The following LIPC variants were observed in gnomAD, a reference collection of about 807,000 sequenced individuals.
The protein encoded by LIPC is hepatic triacylglycerol lipase.
LIPC carries 44 observed loss-of-function variants against 50.7 expected under a neutral mutation model. The observed-to-expected ratio is 0.87, with a 90% CI of 0.68 to 1.11. LIPC has a LOEUF of 1.11. Among genes scored for constraint, LIPC ranks in the 50% most tolerant of loss-of-function variants. The probability of loss-of-function intolerance (pLI) is 0.00; values close to 1 mark genes in which losing one functional copy is unlikely to be tolerated. For synonymous variants in LIPC, 271 were observed against 256.4 expected (o/e 1.06, Z -0.54); for missense variants, 697 against 648.2 (o/e 1.08, Z -0.82).
chr15:58,552,896 G>A (rs1893814422), intron 6 of LIPC, among the ~76,000 whole-genome samples: 1 of 152,184 alleles, frequency 6.6e-6, no homozygotes, highest in Non-Finnish European at 1.5e-5. Flanking sequence ...AATAGACATG[G>A]GGATGAACCA....
chr15:58,562,938 T>C (rs1284630224), intron 7 of LIPC, among the ~76,000 whole-genome samples: 1 of 152,190 alleles, frequency 6.6e-6, no homozygotes, highest in Non-Finnish European at 1.5e-5. Context: ...CGTTGGGATA[T>C]TTTAGTGTCT....
intron 1 of LIPC, among the ~76,000 whole-genome samples, chr15:58,467,754 T>C: frequency 6.6e-6 from 1 of 152,228 alleles, no homozygotes; most frequent in South Asian, 2.1e-4. Context: ...TGGTATTTGC[T>C]CACTGTTGCG....
rs6079 is a variant in LIPC, at chr15:58,563,654, G to A, written c.1319G>A (p.Ser440Asn). Residue 440 changes from serine (S) to asparagine (N), a missense_variant, in exon 8 of 9, where the codon AGC (serine) becomes AAC (asparagine). By Grantham distance (46) the Ser-to-Asn change is conservative (BLOSUM62 1). Coordinates refer to ENST00000299022, the MANE Select transcript of LIPC (RefSeq NM_000236.3). ...WDTVQTIIPW[S>N]TGPRHSGLVL... Reference sequence around the variant, plus strand: ...ACGGTCCAGACCATCATCCCATGGAGCACAGGGCCGCGCCACTCAGGCCTC... The same window carrying A: ...ACGGTCCAGACCATCATCCCATGGAACACAGGGCCGCGCCACTCAGGCCTC... The A allele has an allele frequency of 5.0e-6, 8 of 1,614,026 alleles. No individual in the cohort carries two copies. The African/African-American group carries it at 1.1e-4, about 22-fold the overall frequency.
chr15:58,448,606 C>G (rs777177928), intron 1 of LIPC, among the ~76,000 whole-genome samples: 3 of 152,246 alleles, frequency 2.0e-5, no homozygotes, highest in Non-Finnish European at 4.4e-5. Context: ...CTGGCAGAGG[C>G]CGGCAGGCCT....
rs146299102 is a variant in LIPC at position 58,548,358 on chromosome 15, C to T, written c.837C>T (p.His279=). ...TCACCCAGACCATAAAATGCTCCCA[C>T]GAGCGATCGGTGCACCTTTTCATCG... ...NAITQTIKCS[H]ERSVHLFIDS... Residue 279 remains histidine, a synonymous_variant, in exon 6 of 9, where the codon CAC becomes CAT. Coordinates refer to ENST00000299022, the MANE Select transcript of LIPC (RefSeq NM_000236.3). The T allele has an allele frequency of 8.0e-4, 1,291 of 1,614,134 alleles. 12 individuals carry two copies. In the African/African-American group the frequency reaches 0.015, roughly 19 times the overall value.
At chr15:58,448,928 C>T (rs1352198601) in intron 1 of LIPC, among the ~76,000 whole-genome samples, 1 of 152,218 alleles carries the variant, frequency 6.6e-6, no homozygotes, top group Non-Finnish European at 1.5e-5. Flanking sequence ...GGGAGAAAGG[C>T]TTGTCTACCC....
chr15:58,540,065 G>A (rs1325966654), intron 2 of LIPC, among the ~76,000 whole-genome samples: 1 of 152,136 alleles, frequency 6.6e-6, no homozygotes. Context: ...GAAGGATTCT[G>A]TCCTATTCTC....
intron 1 of LIPC, among the ~76,000 whole-genome samples, chr15:58,525,964 C>G (rs1489107546): frequency 1.3e-5 from 2 of 152,228 alleles, no homozygotes; most frequent in East Asian, 3.9e-4. Flanking sequence ...ACACGTTTAT[C>G]TCATTCACTT....
chr15:58,546,942 A>AAACCCCCCCCCCCCCCCCCCCC (rs1893550929), intron 5 of LIPC, among the ~76,000 whole-genome samples: 1 of 62,998 alleles, frequency 1.6e-5, no homozygotes. Flanking sequence ...CATCCCTCCC[A>AAACCCCCCCCCCCCCCCCCCCC]CCTCCCCCAC....
rs756908602 is a variant in LIPC, at chr15:58,542,548, C to T, written c.471C>T (p.Leu157=). The T allele has an allele frequency of 1.2e-6, 2 of 1,612,270 alleles. No homozygotes were observed. The highest frequency in any genetic ancestry group is 1.7e-4 in the Middle Eastern group (1 of 6,058). ...CTGTCTTCCAGGAATCTGTGCAACT[C>T]TCTCGAAGCCATGTTCACCTAATTG... is the stretch of plus-strand genomic sequence containing the variant. ...LLRWLEESVQ[L]SRSHVHLIGY... is the part of the protein sequence containing the mutation. Residue 157 remains leucine (L), a synonymous_variant, in exon 4 of 9, where the codon CTC becomes CTT. Transcript: ENST00000299022.
chr15:58,567,487 G>A (rs886622890), intron 8 of LIPC, among the ~76,000 whole-genome samples: 4 of 150,814 alleles, frequency 2.7e-5, no homozygotes, highest in Non-Finnish European at 4.4e-5. Flanking sequence ...TCATCTTTCT[G>A]GAGTATCTGT....
chr15:58,480,312 C>T lies in LIPC; in HGVS notation c.88+48192C>T, dbSNP rs192787092. 3.3e-5 allele frequency among the ~76,000 whole-genome samples: 5 copies of T among 152,170 alleles called. No individual in the cohort carries two copies. The East Asian group carries it at 7.7e-4, about 24-fold the overall frequency. On this transcript the variant is annotated intron_variant, in intron 1 of 8. Coordinates refer to ENST00000299022, the MANE Select transcript of LIPC (RefSeq NM_000236.3). Reference sequence around the variant, plus strand: ...TTCATTTTATGTATTTATTTATTTTCGAAATGGAGTCTCGCTTTGTCACCC... The same window carrying T: ...TTCATTTTATGTATTTATTTATTTTTGAAATGGAGTCTCGCTTTGTCACCC...
At chr15:58,438,627 G>A (rs918633715) in intron 1 of LIPC, among the ~76,000 whole-genome samples, 1 of 152,220 alleles carries the variant, frequency 6.6e-6, no homozygotes, top group African/African-American at 2.4e-5. Flanking sequence ...TTACATTCAG[G>A]TACCTACTTG....
At chr15:58,449,263 G>A (rs944860862) in intron 1 of LIPC, among the ~76,000 whole-genome samples, 1 of 152,186 alleles carries the variant, frequency 6.6e-6, no homozygotes, top group African/African-American at 2.4e-5. Flanking sequence ...GGCAGCCATC[G>A]ATTAGGACTA....
At chr15:58,472,362 G>A (rs961150125) in intron 1 of LIPC, among the ~76,000 whole-genome samples, 1 of 151,442 alleles carries the variant, frequency 6.6e-6, no homozygotes, top group Non-Finnish European at 1.5e-5. Flanking sequence ...ATCACATGAG[G>A]CCAGGTGTTC....
chr15:58,481,782 G>C (rs1382844756), intron 1 of LIPC, among the ~76,000 whole-genome samples: 1 of 152,224 alleles, frequency 6.6e-6, no homozygotes, highest in African/African-American at 2.4e-5. Flanking sequence ...CTGGCCAGCA[G>C]AGCGAGACTC....
intron 1 of LIPC, among the ~76,000 whole-genome samples, chr15:58,439,018 G>A (rs1893411743): frequency 1.3e-5 from 2 of 152,224 alleles, no homozygotes; most frequent in Non-Finnish European, 2.9e-5. Context: ...ACTTGTGCAG[G>A]TTCATATTCA....
At chr15:58,443,739 C>G (rs1893586484) in intron 1 of LIPC, among the ~76,000 whole-genome samples, 1 of 152,194 alleles carries the variant, frequency 6.6e-6, no homozygotes, top group African/African-American at 2.4e-5. Flanking sequence ...GTTTATTTCA[C>G]CTGGGTGCAG....
intron 1 of LIPC, among the ~76,000 whole-genome samples, chr15:58,442,399 T>C (rs1253718560): frequency 6.6e-6 from 1 of 152,240 alleles, no homozygotes; most frequent in African/African-American, 2.4e-5. Context: ...GATGGGATTC[T>C]GTAAGAACAG....
Sources: gnomAD v4.1 joint callset for allele counts (sites outside exome capture counted in the v4.1 genomes callset) on GRCh38, gnomAD v4.1.1 for gene constraint, MANE v1.5 for transcripts, NCBI Gene and HGNC (gene_info 2026-07-23, HGNC 2026-07-21) for gene names.